NCALD: variants seen among roughly 807,000 people sequenced by gnomAD.
NCALD encodes neurocalcin delta.
Under a neutral mutation model 18.6 loss-of-function variants are expected in NCALD, and 10 were observed. The ratio of observed to expected loss-of-function variants is 0.54; its 90% confidence interval spans 0.33 to 0.91. NCALD has a LOEUF of 0.91. Among genes scored for constraint, NCALD ranks in the 40% least tolerant of loss-of-function variants. The pLI, the probability that NCALD is intolerant of heterozygous loss-of-function variation, is 0.03. For synonymous variants in NCALD, 88 were observed against 87.4 expected, an observed-to-expected ratio of 1.01 and a Z score of -0.04; for missense variants, 184 against 247.6, an observed-to-expected ratio of 0.74 and a Z score of 1.72.
rs1107231 is a variant in NCALD at position 101,836,230 on chromosome 8, T to G, written c.-20+50911A>C. Among the ~76,000 whole-genome samples the G allele has an allele frequency of 4.6e-3, 707 of 152,284 alleles. 7 individuals are homozygous for G. The highest frequency in any genetic ancestry group is 0.015 in the African/African-American group (619 of 41,564). On this transcript the variant is annotated intron_variant, in intron 4 of 6. Transcript: ENST00000311028. ...ATATAGCAGTCACTCTTTTCCTCAG[T>G]TACAAACCAATCAGAAGCTTAACTT...
At chr8:101,847,793 C>A (rs1814928681) in intron 4 of NCALD, among the ~76,000 whole-genome samples, 1 of 152,194 alleles carries the variant, frequency 6.6e-6, no homozygotes, top group Admixed American at 6.5e-5. Flanking sequence ...GCCAGAACAC[C>A]TCCCAGGTGT....
chr8:101,692,111 T>G (rs1814755957), intron 3 of NCALD: 1 of 980,478 alleles, frequency 1.0e-6, no homozygotes, highest in South Asian at 4.7e-5. Flanking sequence ...TATCTGAAAT[T>G]CCAGGATAAT....
chr8:102,035,208 G>C (rs751807637), intron 1 of NCALD, among the ~76,000 whole-genome samples: 1 of 151,482 alleles, frequency 6.6e-6, no homozygotes, highest in African/African-American at 2.4e-5. Flanking sequence ...GTCTCTGCTG[G>C]AAGAATCTCG....
At chr8:101,955,913 C>T (rs1195117492) in intron 2 of NCALD, among the ~76,000 whole-genome samples, 1 of 152,010 alleles carries the variant, frequency 6.6e-6, no homozygotes, top group African/African-American at 2.4e-5. Context: ...AATACACACT[C>T]AGGTATTTAA....
rs1401757262 is a variant in NCALD, at chr8:101,686,953, C to T, written c.*2356G>A. The T allele has an allele frequency of 6.6e-6, 1 of 152,644 alleles. No homozygotes were observed. The highest frequency in any genetic ancestry group is 2.4e-5 in the African/African-American group (1 of 41,408). 9.5% of individuals were successfully genotyped at this position (152,644 alleles called of 1,614,324 possible). A position where few individuals can be genotyped will look rare whatever the true frequency, so the allele number is the denominator to read the frequency against. Reference sequence around the variant, plus strand: ...TGCACTGGATTCGACATACAAAGACCTTCCTGGGAAGGAGAAGGAGAAAAA... The same window carrying T: ...TGCACTGGATTCGACATACAAAGACTTTCCTGGGAAGGAGAAGGAGAAAAA... On this transcript the variant is annotated 3_prime_UTR_variant, in exon 4 of 4. Coordinates refer to ENST00000220931, the MANE Select transcript of NCALD (RefSeq NM_032041.3).
chr8:101,926,387 T>C (rs1380655840), intron 2 of NCALD, among the ~76,000 whole-genome samples: 1 of 152,322 alleles, frequency 6.6e-6, no homozygotes, highest in Non-Finnish European at 1.5e-5. Flanking sequence ...CTAAGCTTTC[T>C]ACAACCACAG....
At chr8:101,828,962 TG>T (rs1420394286) in intron 4 of NCALD, among the ~76,000 whole-genome samples, 21 of 116,648 alleles carry the variant, frequency 1.8e-4, no homozygotes, top group Admixed American at 1.2e-3. Context: ...GATGGGTGAG[TG>T]GGGTGGTGGG....
At chr8:101,876,368 T>C (rs143836357) in intron 4 of NCALD, among the ~76,000 whole-genome samples, 28 of 152,382 alleles carry the variant, frequency 1.8e-4, no homozygotes, top group South Asian at 6.2e-4. Flanking sequence ...TTATGAACAC[T>C]AGTTGCTGCC....
At chr8:102,040,925 G>A (rs374657959) in intron 1 of NCALD, among the ~76,000 whole-genome samples, 5 of 152,058 alleles carry the variant, frequency 3.3e-5, no homozygotes, top group African/African-American at 9.7e-5. Context: ...TTTGGTTTCT[G>A]GGCGCTGATG....
At chr8:102,044,768 T>G (rs945704824) in intron 1 of NCALD, among the ~76,000 whole-genome samples, 2 of 152,168 alleles carry the variant, frequency 1.3e-5, no homozygotes, top group Admixed American at 1.3e-4. Flanking sequence ...GAGCATATGG[T>G]TAAGAGCATA....
chr8:102,094,710 A>G (rs560978176), intron 1 of NCALD, among the ~76,000 whole-genome samples: 1 of 152,362 alleles, frequency 6.6e-6, no homozygotes, highest in South Asian at 2.1e-4. Flanking sequence ...TGATAGATGT[A>G]ATCAATTAAG....
chr8:102,042,138 A>G (rs990231209), intron 1 of NCALD, among the ~76,000 whole-genome samples: 4 of 151,990 alleles, frequency 2.6e-5, no homozygotes, highest in African/African-American at 9.7e-5. Flanking sequence ...ACAGGATGCC[A>G]AAATGGGAAA....
chr8:102,097,013 C>T (rs1171475146), intron 1 of NCALD, among the ~76,000 whole-genome samples: 1 of 152,136 alleles, frequency 6.6e-6, no homozygotes, highest in African/African-American at 2.4e-5. Context: ...GACTTCAACA[C>T]AAGAATTTTA....
At chr8:101,903,347 C>T (rs1412574782) in intron 3 of NCALD, among the ~76,000 whole-genome samples, 2 of 151,934 alleles carry the variant, frequency 1.3e-5, no homozygotes, top group Non-Finnish European at 2.9e-5. Context: ...CAAGTGTGTG[C>T]CACCATGCCC....
chr8:102,120,222 AT>A (rs1216284282), intron 1 of NCALD, among the ~76,000 whole-genome samples: 1 of 152,152 alleles, frequency 6.6e-6, no homozygotes, highest in Admixed American at 6.5e-5. Context: ...GCAATCCAAA[AT>A]CCAGGGGCTC....
chr8:101,823,588 T>C (rs1376555655), intron 4 of NCALD, among the ~76,000 whole-genome samples: 1 of 152,160 alleles, frequency 6.6e-6, no homozygotes, highest in Non-Finnish European at 1.5e-5. Context: ...CCTGGCTTCT[T>C]AATGTCAACA....
At chr8:101,811,290 A>G (rs1483818103) in intron 4 of NCALD, among the ~76,000 whole-genome samples, 3 of 152,340 alleles carry the variant, frequency 2.0e-5, no homozygotes, top group Admixed American at 1.3e-4. Flanking sequence ...ATAGGGCAGC[A>G]TAAGAGGGTC....
At chr8:101,891,819 G>C (rs991599465) in intron 3 of NCALD, among the ~76,000 whole-genome samples, 1 of 152,132 alleles carries the variant, frequency 6.6e-6, no homozygotes, top group Non-Finnish European at 1.5e-5. Flanking sequence ...TTAAAAAACG[G>C]AGCACCACGA....
intron 4 of NCALD, among the ~76,000 whole-genome samples, chr8:101,854,383 G>A (rs1476053243): frequency 6.6e-6 from 1 of 152,114 alleles, no homozygotes; most frequent in Non-Finnish European, 1.5e-5. Flanking sequence ...ACCTAAGACA[G>A]CAAACAGCAT....
Sources: gnomAD v4.1 joint callset for allele counts (sites outside exome capture counted in the v4.1 genomes callset) on GRCh38, gnomAD v4.1.1 for gene constraint, MANE v1.5 for transcripts, NCBI Gene and HGNC (gene_info 2026-07-23, HGNC 2026-07-21) for gene names.